GABRA5: variants seen among roughly 807,000 people sequenced by gnomAD.
GABRA5 encodes the protein gamma-aminobutyric acid type A receptor subunit alpha5, also known as gamma-aminobutyric acid receptor subunit alpha-5.
GABRA5 carries 18 observed loss-of-function variants against 47.3 expected under a neutral mutation model. The observed-to-expected ratio is 0.38, with a 90% CI of 0.26 to 0.56. GABRA5 has a LOEUF of 0.56. GABRA5 is among the 20% of genes least tolerant of loss of function. The pLI is 0.71. For synonymous variants in GABRA5, 237 were observed against 229.3 expected (o/e 1.03, Z -0.30); for missense variants, 365 against 599.3 (o/e 0.61, Z 4.08).
At chr15:26,882,353 C>T (rs1176791990) in intron 4 of GABRA5, among the ~76,000 whole-genome samples, 1 of 152,192 alleles carries the variant, frequency 6.6e-6, no homozygotes, top group Admixed American at 6.5e-5. Context: ...CACCTGCCCA[C>T]GCACAGATGC....
At chr15:26,877,161 C>T (rs1240465970) in intron 3 of GABRA5, among the ~76,000 whole-genome samples, 1 of 152,228 alleles carries the variant, frequency 6.6e-6, no homozygotes, top group Non-Finnish European at 1.5e-5. Flanking sequence ...GGCACAGACT[C>T]AGAGCCTCAT....
intron 6 of GABRA5, among the ~76,000 whole-genome samples, chr15:26,890,498 C>G (rs1892980711): frequency 1.4e-5 from 2 of 142,918 alleles, no homozygotes; most frequent in African/African-American, 5.6e-5. Flanking sequence ...TTGAATTGAG[C>G]CTTGTTCCCA....
chr15:26,877,788 C>T (rs1892633936), intron 3 of GABRA5: 1 of 389,318 alleles, frequency 2.6e-6, no homozygotes, highest in Non-Finnish European at 5.0e-6. Flanking sequence ...GGAAATAATT[C>T]CTATTTTAAG....
At chr15:26,911,977 G>C (rs1158352040) in intron 6 of GABRA5, among the ~76,000 whole-genome samples, 1 of 152,206 alleles carries the variant, frequency 6.6e-6, no homozygotes, top group Non-Finnish European at 1.5e-5. Context: ...GACTCAAAGA[G>C]TAAAGCCAGG....
At chr15:26,941,287 T>C (rs1047878062) in intron 9 of GABRA5, among the ~76,000 whole-genome samples, 1 of 152,038 alleles carries the variant, frequency 6.6e-6, no homozygotes, top group African/African-American at 2.4e-5. Context: ...TGGGAGGGTA[T>C]TGCCTGTTAT....
chr15:26,931,796 C>T (rs1423946698), intron 7 of GABRA5, among the ~76,000 whole-genome samples: 9 of 152,214 alleles, frequency 5.9e-5, no homozygotes, highest in East Asian at 3.9e-4. Flanking sequence ...AAATGGCCAC[C>T]GATCAGTTGT....
chr15:26,874,069 C>T (rs1172403796), intron 3 of GABRA5, among the ~76,000 whole-genome samples: 3 of 152,190 alleles, frequency 2.0e-5, no homozygotes, highest in Non-Finnish European at 2.9e-5. Context: ...GCAGTCAGCT[C>T]GGGAGTGAGT....
chr15:26,910,405 GC>G (rs1381288237), intron 6 of GABRA5, among the ~76,000 whole-genome samples: 5 of 152,060 alleles, frequency 3.3e-5, no homozygotes, highest in African/African-American at 1.2e-4. Flanking sequence ...TTTGAGACCA[GC>G]CTAGTCAACA....
intron 6 of GABRA5, among the ~76,000 whole-genome samples, chr15:26,907,973 A>G (rs1238065790): frequency 6.6e-6 from 1 of 152,180 alleles, no homozygotes; most frequent in Non-Finnish European, 1.5e-5. Flanking sequence ...TTTTATGAGC[A>G]CAGTAGTACA....
At chr15:26,886,298 G>A (rs1892878546) in intron 6 of GABRA5, among the ~76,000 whole-genome samples, 1 of 152,214 alleles carries the variant, frequency 6.6e-6, no homozygotes, top group Admixed American at 6.5e-5. Flanking sequence ...GGGATTACAG[G>A]CGTGAGCCAC....
intron 6 of GABRA5, among the ~76,000 whole-genome samples, chr15:26,903,885 T>C (rs945828689): frequency 6.6e-6 from 1 of 152,100 alleles, no homozygotes; most frequent in African/African-American, 2.4e-5. Flanking sequence ...TATTAGACTT[T>C]TGCAGATATT....
Position 26,919,665 on chromosome 15 carries a change from CTTTA to C in GABRA5, c.580+4784_580+4787del, listed in dbSNP as rs201613504. On this transcript the variant is annotated intron_variant, in intron 7 of 10. Transcript: ENST00000335625. ...ATCACTGTTACAATAATACAGTATT[CTTTA>C]TTTGTCTGTGTAAATACAGACAAAT... Among the ~76,000 whole-genome samples, 711 of 152,168 alleles carry C rather than the reference CTTTA, an allele frequency of 4.7e-3. 18 individuals are homozygous for C. Among genetic ancestry groups the C allele is most frequent in the Admixed American group, 0.043 (657 of 15,284 alleles).
chr15:26,873,816 C>T (rs7165716), intron 3 of GABRA5, among the ~76,000 whole-genome samples: 97,510 of 152,084 alleles, frequency 0.64, 31,298 homozygotes, highest in Middle Eastern at 0.68. Flanking sequence ...GGAGCAGGAA[C>T]ACAAGTGGTG....
intron 6 of GABRA5, among the ~76,000 whole-genome samples, chr15:26,904,590 C>G (rs886433423): frequency 6.6e-6 from 1 of 152,104 alleles, no homozygotes; most frequent in African/African-American, 2.4e-5. Context: ...TTCTTCCTAT[C>G]CATGAGCATG....
rs568263456 is a variant in GABRA5 at position 26,907,715 on chromosome 15, G to A, written c.498-7088G>A. 5.3e-5 allele frequency among the ~76,000 whole-genome samples: 8 copies of A among 152,276 alleles called. No homozygotes were observed. The South Asian group carries it at 1.5e-3, about 28-fold the overall frequency. On this transcript the variant is annotated intron_variant, in intron 6 of 10. Coordinates refer to ENST00000335625, the MANE Select transcript of GABRA5 (RefSeq NM_000810.4). ...AACCTGGCAGTGGCCTTTGGGTTCCGACAAACTCTGATCCTGACTTACCAA... is the reference window on the plus strand; with the variant it reads ...AACCTGGCAGTGGCCTTTGGGTTCCAACAAACTCTGATCCTGACTTACCAA...
At chr15:26,942,811 C>T (rs1003204063) in intron 9 of GABRA5, among the ~76,000 whole-genome samples, 8 of 152,188 alleles carry the variant, frequency 5.3e-5, no homozygotes, top group African/African-American at 1.9e-4. Context: ...TAGAGGAAGG[C>T]GCAGGCTGGG....
rs1894585550 is a variant in GABRA5 at position 26,949,199 on chromosome 15, A to T, written c.*966A>T. Reference sequence around the variant, plus strand: ...TCATTAAAAAATAAAAAATGAACTGATCTTGTGGACATATAGGATTCTTTT... The same window carrying T: ...TCATTAAAAAATAAAAAATGAACTGTTCTTGTGGACATATAGGATTCTTTT... On this transcript the variant is annotated 3_prime_UTR_variant, in exon 11 of 11. Coordinates refer to ENST00000335625, the MANE Select transcript of GABRA5 (RefSeq NM_000810.4). 1 of 150,760 alleles carries T rather than the reference A, an allele frequency of 6.6e-6. No individual in the cohort carries two copies. The highest frequency in any genetic ancestry group is 2.1e-4 in the South Asian group (1 of 4,798). The allele number at this position is 150,760 out of a possible 1,614,324, so 9.3% of individuals were successfully genotyped here. A position where few individuals can be genotyped will look rare whatever the true frequency, so the allele number is the denominator to read the frequency against.
At chr15:26,878,934 G>A (rs28705902) in intron 3 of GABRA5, among the ~76,000 whole-genome samples, 58,153 of 151,976 alleles carry the variant, frequency 0.38, 11,404 homozygotes, top group Non-Finnish European at 0.42. Context: ...CTTTATCTCC[G>A]CTTCTGGAGA....
At position 26,867,764 on chromosome 15, in the gene GABRA5, T is replaced by A. The variant is rs569806456; in HGVS notation, c.-140+653T>A. Reference sequence around the variant, plus strand: ...CCCCGGGGCTCTGAGGCGCGCGGCGTCCCGGCGCTGCTCGCGGGGTGGACT... The same window carrying A: ...CCCCGGGGCTCTGAGGCGCGCGGCGACCCGGCGCTGCTCGCGGGGTGGACT... On this transcript the variant is annotated intron_variant, in intron 1 of 10. Transcript: ENST00000335625. This position sits in a 1 kb window ranked among gnomAD's most constrained non-coding sequence, Gnocchi z 5.9. 6.6e-6 allele frequency: 1 copy of A among 151,926 alleles called. No homozygotes were observed. The highest frequency in any genetic ancestry group is 2.4e-5 in the African/African-American group (1 of 41,450). The allele number at this position is 151,926 out of a possible 1,614,324, so 9.4% of individuals were successfully genotyped here.
Sources: gnomAD v4.1 joint callset for allele counts (sites outside exome capture counted in the v4.1 genomes callset) on GRCh38, gnomAD v4.1.1 for gene constraint, Gnocchi (gnomAD v3.1) non-coding constraint, MANE v1.5 for transcripts, NCBI Gene and HGNC (gene_info 2026-07-23, HGNC 2026-07-21) for gene names.